The following MATN2 variants were observed in gnomAD, a reference collection of about 807,000 sequenced individuals.
The protein encoded by MATN2 is matrilin 2, also known as matrilin-2.
Under a neutral mutation model 103.2 loss-of-function variants are expected in MATN2, and 69 were observed. That is an observed-to-expected ratio of 0.67 (90% CI 0.55 to 0.82). MATN2 has a LOEUF of 0.82. MATN2 is among the 40% of genes least tolerant of loss of function. MATN2 has a pLI of 0.00. For missense variants in MATN2, 1,023 were observed against 1,211.5 expected (o/e 0.84, Z 2.31); for synonymous variants, 429 against 450.2 (o/e 0.95, Z 0.60).
intron 7 of MATN2, among the ~76,000 whole-genome samples, chr8:98,000,712 G>T (rs1349551011): frequency 6.6e-6 from 1 of 152,140 alleles, no homozygotes; most frequent in Non-Finnish European, 1.5e-5. Flanking sequence ...TTTAAGAAAT[G>T]GCAGCAGCTA....
chr8:97,956,951 T>C (rs564983974), intron 4 of MATN2, among the ~76,000 whole-genome samples: 1 of 152,366 alleles, frequency 6.6e-6, no homozygotes, highest in Middle Eastern at 3.4e-3. Flanking sequence ...TGAACTCTTA[T>C]GGAGACCAAA....
chr8:97,954,378 T>C (rs1247806308), intron 4 of MATN2, among the ~76,000 whole-genome samples: 1 of 152,222 alleles, frequency 6.6e-6, no homozygotes, highest in Non-Finnish European at 1.5e-5. Context: ...ATCACAGATT[T>C]TTACCTATTT....
intron 2 of MATN2, among the ~76,000 whole-genome samples, chr8:97,922,455 G>A (rs1809844405): frequency 6.6e-6 from 1 of 152,188 alleles, no homozygotes; most frequent in South Asian, 2.1e-4. Context: ...TGTCTCATAT[G>A]ATTAGCTAGT....
At position 98,007,341 on chromosome 8, in the gene MATN2, C is replaced by T. The variant is rs1053339905; in HGVS notation, c.1450+114C>T. 1.0e-5 allele frequency: 16 copies of T among 1,557,958 alleles called. No homozygotes were observed. The African/African-American group carries it at 1.4e-4, about 13-fold the overall frequency. ...CACCCCTCCCCTGCCCCTTGCTCTG[C>T]TCCAGGAGATAGTGAGGATGTCCAC... On this transcript the variant is annotated intron_variant, in intron 9 of 18. Transcript: ENST00000254898. This position sits in a 1 kb window ranked among gnomAD's most constrained non-coding sequence, Gnocchi z 4.2.
chr8:97,913,745 G>T (rs1809529815), intron 2 of MATN2, among the ~76,000 whole-genome samples: 1 of 151,568 alleles, frequency 6.6e-6, no homozygotes, highest in African/African-American at 2.4e-5. Flanking sequence ...CTACCAAGTA[G>T]CTGGGACTAC....
At chr8:97,994,031 G>C (rs1812480168) in intron 6 of MATN2, among the ~76,000 whole-genome samples, 1 of 126,064 alleles carries the variant, frequency 7.9e-6, no homozygotes, top group Non-Finnish European at 1.7e-5. Flanking sequence ...AATAATAATA[G>C]AAGAAGAAGA....
chr8:97,887,421 C>T (rs139761216), intron 1 of MATN2, among the ~76,000 whole-genome samples: 208 of 152,258 alleles, frequency 1.4e-3, no homozygotes, highest in Non-Finnish European at 2.1e-3. Flanking sequence ...CTGACCCTTC[C>T]TGAGCCTTAT....
chr8:97,879,537 C>T (rs1286100139), intron 1 of MATN2, among the ~76,000 whole-genome samples: 1 of 152,166 alleles, frequency 6.6e-6, no homozygotes, highest in Non-Finnish European at 1.5e-5. Flanking sequence ...GTGGGTAGAA[C>T]ATTCGCTGCA....
rs138156682 is a variant in MATN2, at chr8:97,902,568, G to A, written c.142+14326G>A. Among the ~76,000 whole-genome samples, 469 of 151,660 alleles carry A rather than the reference G, an allele frequency of 3.1e-3. 4 individuals carry two copies. The highest frequency in any genetic ancestry group is 0.024 in the Middle Eastern group (7 of 292). ...AAGTGCCCAGTGTTTTATTCTCATA[G>A]ATCACAAAGCTCTTAGCAAAAATTC... On this transcript the variant is annotated intron_variant, in intron 2 of 18. Transcript: ENST00000254898.
At chr8:97,875,243 C>G (rs1818030968) in intron 1 of MATN2, among the ~76,000 whole-genome samples, 1 of 152,122 alleles carries the variant, frequency 6.6e-6, no homozygotes, top group African/African-American at 2.4e-5. Context: ...CCTGGGCTGC[C>G]TCATTCTTAA....
chr8:98,023,533 T>C (rs2130434525), intron 13 of MATN2, among the ~76,000 whole-genome samples: 1 of 152,172 alleles, frequency 6.6e-6, no homozygotes, highest in South Asian at 2.1e-4. Context: ...TAGCTGGTTG[T>C]GGTGGTACGT....
intron 2 of MATN2, among the ~76,000 whole-genome samples, chr8:97,907,734 GA>G (rs1456717035): frequency 2.6e-5 from 4 of 152,144 alleles, no homozygotes; most frequent in African/African-American, 9.7e-5. Flanking sequence ...GGATAATAAT[GA>G]TACCTCCCTC....
At chr8:97,946,866 G>C (rs999009187) in intron 4 of MATN2, among the ~76,000 whole-genome samples, 21 of 152,102 alleles carry the variant, frequency 1.4e-4, no homozygotes, top group Non-Finnish European at 2.5e-4. Context: ...ATTTATGTTA[G>C]AGTTTAAACA....
At chr8:97,912,067 A>G (rs2130073641) in intron 2 of MATN2, among the ~76,000 whole-genome samples, 1 of 152,336 alleles carries the variant, frequency 6.6e-6, no homozygotes, top group Middle Eastern at 3.4e-3. Flanking sequence ...TGTGGGAGAC[A>G]TGGGCAGGAG....
At chr8:98,035,549 CA>C (rs1416189688) in intron 18 of MATN2, 107 bp from the exon 19 acceptor site, 1 of 616,082 alleles carries the variant, frequency 1.6e-6, no homozygotes, top group African/African-American at 1.9e-5. Context: ...GAAAAAAAAC[CA>C]AAACCTTTTA....
intron 6 of MATN2, among the ~76,000 whole-genome samples, chr8:97,986,070 T>A (rs1812182114): frequency 1.3e-5 from 2 of 152,136 alleles, no homozygotes; most frequent in Admixed American, 1.3e-4. Context: ...TGTGTTCAGG[T>A]TTTTTTGGCT....
chr8:98,018,370 T>G (rs902774532), intron 12 of MATN2, among the ~76,000 whole-genome samples: 1 of 152,136 alleles, frequency 6.6e-6, no homozygotes, highest in African/African-American at 2.4e-5. Flanking sequence ...CTTTCCACAG[T>G]AGCTGTGTGG....
chr8:97,916,583 C>T (rs1183588866), intron 2 of MATN2, among the ~76,000 whole-genome samples: 1 of 152,100 alleles, frequency 6.6e-6, no homozygotes, highest in Non-Finnish European at 1.5e-5. Context: ...CTCTATGTGT[C>T]CGTGTGTTCC....
chr8:97,930,974 G>C lies in MATN2; in HGVS notation c.164G>C (p.Arg55Pro), dbSNP rs753123047. ...ALLESSCENK[R>P]ADLVFIIDSS... is the part of the protein sequence containing the mutation. ...CCAGAGAGTTCCTGTGAGAACAAGC[G>C]GGCAGACCTGGTTTTCATCATTGAC... Residue 55 changes from arginine to proline, a missense_variant, in exon 3 of 19, where the codon CGG (arginine) becomes CCG (proline). Transcript: ENST00000254898. 4.3e-6 allele frequency: 7 copies of C among 1,610,978 alleles called. No homozygotes were observed. In the South Asian group the frequency reaches 6.6e-5, roughly 15 times the overall value.
Sources: allele counts gnomAD v4.1 joint callset (sites outside exome capture counted in the v4.1 genomes callset), GRCh38; gene constraint gnomAD v4.1.1; non-coding constraint Gnocchi (gnomAD v3.1); transcripts MANE v1.5; gene names NCBI Gene and HGNC (gene_info 2026-07-23, HGNC 2026-07-21).